The following P3H2 variants were observed in gnomAD, a reference collection of about 807,000 sequenced individuals.
P3H2 encodes leprecan-like 1.
A neutral mutation model predicts 87.0 loss-of-function variants in P3H2; 80 were observed. The ratio of observed to expected loss-of-function variants is 0.92; its 90% CI spans 0.77 to 1.11. P3H2 has a LOEUF of 1.11. Ranked by LOEUF, P3H2 falls within the 50% of genes least tolerant of loss-of-function variation. P3H2 has a pLI of 0.00. For synonymous variants in P3H2, 367 were observed against 359.3 expected (o/e 1.02, Z -0.24); for missense variants, 1,001 against 923.9 (o/e 1.08, Z -1.08).
At chr3:189,992,164 G>A (rs140506567) in intron 3 of P3H2, among the ~76,000 whole-genome samples, 278 of 152,166 alleles carry the variant, frequency 1.8e-3, no homozygotes, top group African/African-American at 6.4e-3. Context: ...GCACCATCTC[G>A]GCTCACTGCA....
intron 1 of P3H2, among the ~76,000 whole-genome samples, chr3:190,069,355 T>A (rs540119845): frequency 1.3e-5 from 2 of 152,194 alleles, no homozygotes; most frequent in Non-Finnish European, 2.9e-5. Context: ...TTTTGACATT[T>A]CACTGATTTC....
At chr3:189,973,507 CTTTCTT>C (rs1173853991) in intron 10 of P3H2, among the ~76,000 whole-genome samples, 8,144 of 77,402 alleles carry the variant, frequency 0.11, 227 homozygotes, top group East Asian at 0.18. Context: ...TTCTTTCTTT[CTTTCTT>C]TTTTTTTTTT....
chr3:190,082,008 C>T (rs985509979), intron 1 of P3H2, among the ~76,000 whole-genome samples: 2 of 152,154 alleles, frequency 1.3e-5, no homozygotes, highest in Admixed American at 6.5e-5. Flanking sequence ...AATCCTAGCA[C>T]TTTAGGAGGC....
At chr3:189,983,015 C>G (rs753858371) in intron 8 of P3H2, 31 bp downstream of exon 8, 23 of 1,542,926 alleles carry the variant, frequency 1.5e-5, no homozygotes, top group Admixed American at 1.7e-5. Context: ...CCTTCCCCTC[C>G]TTTATAGGGT....
intron 1 of P3H2, among the ~76,000 whole-genome samples, chr3:190,101,685 G>A (rs771109490): frequency 6.6e-6 from 1 of 152,132 alleles, no homozygotes; most frequent in Non-Finnish European, 1.5e-5. Flanking sequence ...GCAAGATGAC[G>A]CAGCAAGCGT....
intron 1 of P3H2, among the ~76,000 whole-genome samples, chr3:190,118,814 G>A (rs1712396992): frequency 1.3e-5 from 2 of 151,938 alleles, no homozygotes; most frequent in Non-Finnish European, 2.9e-5. Context: ...AACACAGCCT[G>A]GTCCAGCCGT....
chr3:190,040,465 C>G (rs890260200), intron 1 of P3H2, among the ~76,000 whole-genome samples: 4 of 152,164 alleles, frequency 2.6e-5, no homozygotes, highest in Non-Finnish European at 5.9e-5. Context: ...AGAACACCAT[C>G]TTTTCATAAA....
chr3:189,995,271 AG>A lies in P3H2; in HGVS notation c.633+18del, dbSNP rs1360428143. The A allele has an allele frequency of 1.9e-6, 3 of 1,613,306 alleles. No homozygotes were observed. The highest frequency in any genetic ancestry group is 2.5e-6 in the Non-Finnish European group (3 of 1,179,300). Reference sequence around the variant, plus strand: ...GCACTTAGCTCCCTGTGGTGAGGGCAGGGGCCCACAGAGCTTACCATGTGTG... The same window carrying A: ...GCACTTAGCTCCCTGTGGTGAGGGCAGGGCCCACAGAGCTTACCATGTGTG... On this transcript the variant is annotated intron_variant, in intron 2 of 14. Coordinates refer to ENST00000319332, the MANE Select transcript of P3H2 (RefSeq NM_018192.4).
At chr3:189,995,899 C>G (rs1213317233) in intron 1 of P3H2, among the ~76,000 whole-genome samples, 1 of 152,022 alleles carries the variant, frequency 6.6e-6, no homozygotes, top group African/African-American at 2.4e-5. Context: ...AAGTCAAAAT[C>G]ACAATGAAAT....
At chr3:190,061,358 G>A (rs527593205) in intron 1 of P3H2, among the ~76,000 whole-genome samples, 1 of 152,212 alleles carries the variant, frequency 6.6e-6, no homozygotes, top group South Asian at 2.1e-4. Flanking sequence ...GATGCCAGGA[G>A]CTATGGGTGG....
chr3:189,959,988 A>G (rs844394), intron 14 of P3H2, among the ~76,000 whole-genome samples: 42,827 of 149,758 alleles, frequency 0.29, 6,269 homozygotes, highest in East Asian at 0.5. Flanking sequence ...GTGGAATCCG[A>G]CTCCTGCCGC....
chr3:190,098,371 C>T (rs1286872452), intron 1 of P3H2, among the ~76,000 whole-genome samples: 1 of 152,006 alleles, frequency 6.6e-6, no homozygotes, highest in Non-Finnish European at 1.5e-5. Flanking sequence ...AGGTTAATCT[C>T]GTGCTACAAA....
chr3:190,068,247 A>C (rs1268690010), intron 1 of P3H2, among the ~76,000 whole-genome samples: 1 of 152,198 alleles, frequency 6.6e-6, no homozygotes. Flanking sequence ...AAATAAAATC[A>C]ATCTGGTTGA....
At chr3:190,103,022 T>C (rs1711688230) in intron 1 of P3H2, among the ~76,000 whole-genome samples, 1 of 152,214 alleles carries the variant, frequency 6.6e-6, no homozygotes, top group African/African-American at 2.4e-5. Flanking sequence ...AATTAAGGTA[T>C]GTACATTGTT....
intron 1 of P3H2, among the ~76,000 whole-genome samples, chr3:190,112,925 G>A (rs574574036): frequency 7.2e-4 from 108 of 150,172 alleles, no homozygotes; most frequent in African/African-American, 2.5e-3. Context: ...GAAGAAAGAT[G>A]AATGGAAAAA....
At chr3:190,118,968 G>A (rs1177244957) in intron 1 of P3H2, among the ~76,000 whole-genome samples, 1 of 151,562 alleles carries the variant, frequency 6.6e-6, no homozygotes, top group Non-Finnish European at 1.5e-5. Flanking sequence ...AGCCCGGCAT[G>A]GTGGTGCACA....
At chr3:190,045,310 G>A (rs565867048) in intron 1 of P3H2, among the ~76,000 whole-genome samples, 4 of 152,328 alleles carry the variant, frequency 2.6e-5, no homozygotes, top group African/African-American at 9.6e-5. Flanking sequence ...GGTACACTTA[G>A]ATATAAGCTT....
chr3:189,976,584 A>G (rs927640539), intron 8 of P3H2, among the ~76,000 whole-genome samples: 3 of 152,158 alleles, frequency 2.0e-5, no homozygotes, highest in Admixed American at 6.5e-5. Context: ...ACACAGCTAA[A>G]CCATATCAGC....
intron 1 of P3H2, among the ~76,000 whole-genome samples, chr3:190,024,813 C>T (rs138262300): frequency 3.1e-4 from 47 of 152,200 alleles, no homozygotes; most frequent in African/African-American, 1.1e-3. Context: ...AGAAAACACA[C>T]AGAATTACAT....
Sources: allele counts gnomAD v4.1 joint callset (sites outside exome capture counted in the v4.1 genomes callset), GRCh38; gene constraint gnomAD v4.1.1; transcripts MANE v1.5; gene names NCBI Gene and HGNC (gene_info 2026-07-23, HGNC 2026-07-21).